Variants in SNX17 observed in about 807,000 individuals in gnomAD.
SNX17 encodes the protein sorting nexin 17.
SNX17 carries 35 observed loss-of-function variants against 64.3 expected under a neutral mutation model. The ratio of observed to expected loss-of-function variants is 0.54; its 90% CI spans 0.42 to 0.72. The LOEUF (loss-of-function observed/expected upper bound fraction) is 0.72, where lower values mean the gene tolerates loss of function less well. SNX17 is among the 30% of genes least tolerant of loss of function. SNX17 has a pLI of 0.00. For missense variants in SNX17, 538 were observed against 610.0 expected (o/e 0.88, Z 1.24); for synonymous variants, 259 against 230.2 (o/e 1.13, Z -1.13).
At chr2:27,374,540 G>A (rs1682972698) in intron 7 of SNX17, 107 bp downstream of exon 7, 3 of 1,269,662 alleles carry the variant, frequency 2.4e-6, no homozygotes, top group African/African-American at 2.9e-5. Flanking sequence ...GTAGTGCTGG[G>A]TGTTTCTGCC....
chr2:27,371,278 A>G lies in SNX17; in HGVS notation c.73A>G (p.Ile25Val). The G allele has an allele frequency of 1.2e-6, 2 of 1,613,562 alleles. No homozygotes were observed. Among genetic ancestry groups the G allele is most frequent in the Non-Finnish European group, 8.5e-7 (1 of 1,179,992 alleles). Residue 25 changes from isoleucine to valine, a missense_variant, in exon 2 of 15, where the codon ATT (isoleucine) becomes GTT (valine). Ile to Val is a conservative substitution (Grantham distance 29). This residue lies in a region of SNX17 where 27 missense variants were observed against 38.2 expected (regional missense o/e 0.71). Coordinates refer to ENST00000233575, the MANE Select transcript of SNX17 (RefSeq NM_014748.4). ...SGGSAYVAYN[I>V]HVNGVLHCRV... is the part of the protein sequence containing the mutation. The stretch of plus-strand genomic sequence containing the variant: ...ACTTTTGTGTCCTCAGGCCTATAAC[A>G]TTCACGTGAATGGAGTCCTGCACTG...
In SNX17 at chr2:27,374,527, G is replaced by A. The variant is rs930331161; in HGVS notation, c.611+94G>A. The A allele has an allele frequency of 1.1e-4, 144 of 1,317,244 alleles. 1 individual carries two copies. Among genetic ancestry groups the A allele is most frequent in the Non-Finnish European group, 8.7e-5 (80 of 915,810 alleles). The allele number at this position is 1,317,244 out of a possible 1,614,324, so 81.6% of individuals were successfully genotyped here. ...TGAGACAGAATAATCTGGACAAGGGGGTGTAGTGCTGGGTGTTTCTGCCAG... is the reference window on the plus strand; with the variant it reads ...TGAGACAGAATAATCTGGACAAGGGAGTGTAGTGCTGGGTGTTTCTGCCAG... On this transcript the variant is annotated intron_variant, in intron 7 of 14. Transcript: ENST00000233575.
At chr2:27,376,569 G>A (rs745961953) in intron 14 of SNX17, 37 bp from the exon 15 acceptor site, 8 of 1,613,890 alleles carry the variant, frequency 5.0e-6, no homozygotes, top group South Asian at 4.4e-5. Flanking sequence ...GATCTTGCAC[G>A]CCCAAGATCT....
chr2:27,372,925 AT>A (rs1682780323), intron 3 of SNX17, 185 bp downstream of exon 3: 2 of 1,271,782 alleles, frequency 1.6e-6, no homozygotes, highest in Admixed American at 4.0e-5. Flanking sequence ...TAGCAAAACA[AT>A]TTGGGCACTA....
chr2:27,375,489 T>A lies in SNX17; in HGVS notation c.775-17T>A. On this transcript the variant is annotated splice_polypyrimidine_tract_variant and intron_variant, in intron 9 of 14. Coordinates refer to ENST00000233575, the MANE Select transcript of SNX17 (RefSeq NM_014748.4). The surrounding 1 kb of genome is among the most constrained non-coding windows in gnomAD (Gnocchi z 4.1). ...TTCTCCCTCCTAATCTACCCCCATG[T>A]GATGACCATTTTTCAGTTCCTGAGA... The A allele has an allele frequency of 6.2e-7, 1 of 1,613,908 alleles. No individual in the cohort carries two copies. The highest frequency in any genetic ancestry group is 8.5e-7 in the Non-Finnish European group (1 of 1,179,994).
chr2:27,370,699 C>A lies in SNX17; in HGVS notation c.-45C>A. On this transcript the variant is annotated 5_prime_UTR_variant, in exon 1 of 15. Coordinates refer to ENST00000233575, the MANE Select transcript of SNX17 (RefSeq NM_014748.4). Reference sequence around the variant, plus strand: ...GGAGGGGGAGCGTGCAGAGCCGCTGCGGCCCTCACAGTCCGGAGCCCGGCC... The same window carrying A: ...GGAGGGGGAGCGTGCAGAGCCGCTGAGGCCCTCACAGTCCGGAGCCCGGCC... The A allele has an allele frequency of 6.6e-7, 1 of 1,516,330 alleles. No individual in the cohort carries two copies. Among genetic ancestry groups the A allele is most frequent in the South Asian group, 1.2e-5 (1 of 81,336 alleles). 93.9% of individuals were successfully genotyped at this position (1,516,330 alleles called of 1,614,324 possible).
At position 27,371,295 on chromosome 2, in the gene SNX17, C is replaced by G. The variant is rs755600060; in HGVS notation, c.90C>G (p.Val30=). 1 of 1,613,566 alleles carries G rather than the reference C, an allele frequency of 6.2e-7. No homozygotes were observed. The highest frequency in any genetic ancestry group is 8.5e-7 in the Non-Finnish European group (1 of 1,180,010). Reference sequence around the variant, plus strand: ...CCTATAACATTCACGTGAATGGAGTCCTGCACTGTCGGGTGCGCTACAGCC... The same window carrying G: ...CCTATAACATTCACGTGAATGGAGTGCTGCACTGTCGGGTGCGCTACAGCC... ...YVAYNIHVNG[V]LHCRVRYSQL... is the part of the protein sequence containing the mutation. Residue 30 remains valine, a synonymous_variant, in exon 2 of 15, where the codon GTC becomes GTG. Transcript: ENST00000233575.
Position 27,375,595 on chromosome 2 carries a change from G to A in SNX17, c.864G>A (p.Val288=). ...VADFPEKDCP[V]VVSAGNSELS... ...ACTTCCCAGAAAAGGACTGTCCTGT[G>A]GTGGTGAGCGCGGGCAACAGTGAGC... is the stretch of plus-strand genomic sequence containing the variant. The change falls in exon 10 of 15, where the codon GTG becomes GTA. Residue 288 remains valine (V), a synonymous_variant. Coordinates refer to ENST00000233575, the MANE Select transcript of SNX17 (RefSeq NM_014748.4). The surrounding 1 kb of genome is among the most constrained non-coding windows in gnomAD (Gnocchi z 4.1). The A allele has an allele frequency of 4.3e-6, 7 of 1,614,222 alleles. No homozygotes were observed. The highest frequency in any genetic ancestry group is 1.3e-5 in the African/African-American group (1 of 75,062).
chr2:27,371,322 G>A lies in SNX17; in HGVS notation c.117G>A (p.Gln39=), dbSNP rs151236939. 1.1e-5 allele frequency: 17 copies of A among 1,612,786 alleles called. No individual in the cohort carries two copies. Among genetic ancestry groups the A allele is most frequent in the Admixed American group, 1.7e-5 (1 of 59,952 alleles). ...GVLHCRVRYS[Q]LLGLHEQLRK... ...TGCACTGTCGGGTGCGCTACAGCCA[G>A]CTCCTGGGGCTGCACGAGCAGGTGG... The change falls in exon 2 of 15, where the codon CAG becomes CAA. Residue 39 remains glutamine (Q), a synonymous_variant. Coordinates refer to ENST00000233575, the MANE Select transcript of SNX17 (RefSeq NM_014748.4).
rs1167086565 is a variant in SNX17, at chr2:27,376,700, T to C, written c.1394T>C (p.Ile465Thr). 1 of 1,614,054 alleles carries C rather than the reference T, an allele frequency of 6.2e-7. No individual in the cohort carries two copies. Among genetic ancestry groups the C allele is most frequent in the Non-Finnish European group, 8.5e-7 (1 of 1,179,906 alleles). Residue 465 changes from isoleucine to threonine, a missense_variant, in exon 15 of 15, where the codon ATT becomes ACT. This residue lies in a region of SNX17 where 505 missense variants were observed against 550.4 expected (regional missense o/e 0.92). Transcript: ENST00000233575. ...CACGGCAATTTCGCCTTCGAGGGCA[T>C]TGGAGATGAGGATCTGTAATCTCCA... Reference protein sequence around the residue: ...DVHGNFAFEGIGDEDL With the variant: ...DVHGNFAFEGTGDEDL
rs1683344650 is a variant in SNX17, at chr2:27,377,258, A to G, written c.*539A>G. 2 of 579,966 alleles carry G rather than the reference A, an allele frequency of 3.4e-6. No individual in the cohort carries two copies. Among genetic ancestry groups the G allele is most frequent in the African/African-American group, 1.9e-5 (1 of 53,466 alleles). The allele number at this position is 579,966 out of a possible 1,614,324, so 35.9% of individuals were successfully genotyped here. A position where few individuals can be genotyped will look rare whatever the true frequency, so the allele number is the denominator to read the frequency against. On this transcript the variant is annotated 3_prime_UTR_variant, in exon 15 of 15. Coordinates refer to ENST00000233575, the MANE Select transcript of SNX17 (RefSeq NM_014748.4). The surrounding 1 kb of genome is among the most constrained non-coding windows in gnomAD (Gnocchi z 4.4). ...GCTTTGTTAGTGTTTCCTTTATTAT[A>G]AAGCACTGAAATAAGTTAAATAAAC...
In SNX17 at chr2:27,372,758, A is replaced by C. The variant is rs1682764092; in HGVS notation, c.256+18A>C. 6.2e-7 allele frequency: 1 copy of C among 1,613,984 alleles called. No individual in the cohort carries two copies. The highest frequency in any genetic ancestry group is 1.7e-5 in the Admixed American group (1 of 59,992). On this transcript the variant is annotated intron_variant, in intron 3 of 14. Transcript: ENST00000233575. Reference sequence around the variant, plus strand: ...GCAAGCTGGTGAGTGGTTGCAGGAAACTAGGTTGACTATATTGAGGACTAT... The same window carrying C: ...GCAAGCTGGTGAGTGGTTGCAGGAACCTAGGTTGACTATATTGAGGACTAT...
chr2:27,373,379 T>G, intron 4 of SNX17, 68 bp downstream of exon 4: 1 of 1,538,344 alleles, frequency 6.5e-7, no homozygotes, highest in Non-Finnish European at 9.0e-7. Context: ...TTTTATTTTT[T>G]TGAGACAGAG....
At chr2:27,370,849 G>T (rs749057916) in intron 1 of SNX17, 43 bp downstream of exon 1, 27 of 1,527,250 alleles carry the variant, frequency 1.8e-5, no homozygotes, top group Non-Finnish European at 2.3e-5. Flanking sequence ...CAGGGGCGGG[G>T]ATAACGGGCC....
At chr2:27,373,455 C>T (rs1014705076) in intron 4 of SNX17, 144 bp downstream of exon 4, 16 of 747,916 alleles carry the variant, frequency 2.1e-5, no homozygotes, top group African/African-American at 3.5e-5. Flanking sequence ...CTCCGCCTCC[C>T]GGATTCAAGC....
intron 7 of SNX17, 59 bp from the exon 8 acceptor site, chr2:27,374,630 T>C (rs1682979983): frequency 6.5e-7 from 1 of 1,539,398 alleles, no homozygotes; most frequent in Non-Finnish European, 9.0e-7. Context: ...TTTTCCATTC[T>C]ACCTCTTGCC....
At chr2:27,370,984 G>A (rs1278236436) in intron 1 of SNX17, among the ~76,000 whole-genome samples, 178 bp downstream of exon 1, 1 of 152,196 alleles carries the variant, frequency 6.6e-6, no homozygotes, top group East Asian at 1.9e-4. Context: ...GTGGTCGCCC[G>A]AGCTCCTGTA....
At position 27,376,187 on chromosome 2, in the gene SNX17, G is replaced by A; in HGVS notation, c.1182+4G>A. On this transcript the variant is annotated splice_donor_region_variant and intron_variant, in intron 12 of 14. Coordinates refer to ENST00000233575, the MANE Select transcript of SNX17 (RefSeq NM_014748.4). Reference sequence around the variant, plus strand: ...ATCTGGCGGCAGTATCAGGAAGGTAGGCAGCAAGTGTGGACTGAGCAGTGA... The same window carrying A: ...ATCTGGCGGCAGTATCAGGAAGGTAAGCAGCAAGTGTGGACTGAGCAGTGA... 6.2e-7 allele frequency: 1 copy of A among 1,614,098 alleles called. No individual in the cohort carries two copies. Among genetic ancestry groups the A allele is most frequent in the Non-Finnish European group, 8.5e-7 (1 of 1,180,022 alleles).
At chr2:27,373,197 G>C in intron 3 of SNX17, 50 bp from the exon 4 acceptor site, 1 of 1,612,444 alleles carries the variant, frequency 6.2e-7, no homozygotes, top group Non-Finnish European at 8.5e-7. Context: ...GGACTGGGGA[G>C]CCAAGAGTGA....
Sources: allele counts gnomAD v4.1 joint callset (sites outside exome capture counted in the v4.1 genomes callset), GRCh38; gene constraint gnomAD v4.1.1; regional missense constraint gnomAD v4.1.1; non-coding constraint Gnocchi (gnomAD v3.1); transcripts MANE v1.5; gene names NCBI Gene and HGNC (gene_info 2026-07-23, HGNC 2026-07-21).